The following ADGRL2 variants were observed in gnomAD, a reference collection of about 807,000 sequenced individuals.
ADGRL2 encodes calcium-independent alpha-latrotoxin receptor 2.
Under a neutral mutation model 157.4 loss-of-function variants are expected in ADGRL2, and 44 were observed. The observed-to-expected ratio is 0.28, with a 90% confidence interval of 0.22 to 0.36. The LOEUF (loss-of-function observed/expected upper bound fraction) is 0.36, where lower values mean the gene tolerates loss of function less well. Ranked by LOEUF, ADGRL2 falls within the 10% of genes least tolerant of loss-of-function variation. The pLI is 1.00. For synonymous variants in ADGRL2, 585 were observed against 624.7 expected, an observed-to-expected ratio of 0.94 and a Z score of 0.95; for missense variants, 1,510 against 1,768.9, an observed-to-expected ratio of 0.85 and a Z score of 2.63.
intron 2 of ADGRL2, among the ~76,000 whole-genome samples, chr1:81,458,054 T>C (rs2077842437): frequency 6.6e-6 from 1 of 152,226 alleles, no homozygotes; most frequent in South Asian, 2.1e-4. Flanking sequence ...ATGAAAAATA[T>C]TATCATTTTT....
At position 81,440,676 on chromosome 1, in the gene ADGRL2, A is replaced by G. The variant is rs1301666932; in HGVS notation, c.-301-4360A>G. ...ACATCAAACACAATGCACCACACCT[A>G]AATTCATTACCCCATCAAACTAGTT... On this transcript the variant is annotated intron_variant, in intron 1 of 24. Coordinates refer to the ADGRL2 transcript ENST00000370721. 2.0e-5 allele frequency among the ~76,000 whole-genome samples: 3 copies of G among 152,152 alleles called. No individual in the cohort carries two copies. In the East Asian group the frequency reaches 5.8e-4, roughly 29 times the overall value.
Position 81,441,307 on chromosome 1 carries a change from C to A in ADGRL2, c.-301-3729C>A, listed in dbSNP as rs193139205. 6.2e-4 allele frequency among the ~76,000 whole-genome samples: 94 copies of A among 152,020 alleles called. 1 individual carries two copies. Among genetic ancestry groups the A allele is most frequent in the African/African-American group, 2.2e-3 (90 of 41,448 alleles). ...ATTATTGAATAAATCCATTTTCAGC[C>A]CTTGTTTTGATCTATAGTGCATACA... On this transcript the variant is annotated intron_variant, in intron 1 of 24. Coordinates refer to the ADGRL2 transcript ENST00000370721.
At chr1:81,356,971 A>AAAAAAAG (rs80327519) in intron 1 of ADGRL2, among the ~76,000 whole-genome samples, 13 of 99,398 alleles carry the variant, frequency 1.3e-4, no homozygotes, top group African/African-American at 1.9e-4. Context: ...AAAAAAAAAA[A>AAAAAAAG]AAGAAGTTGT....
intron 1 of ADGRL2, among the ~76,000 whole-genome samples, chr1:81,422,798 A>T (rs1406905975): frequency 6.6e-6 from 1 of 152,214 alleles, no homozygotes; most frequent in African/African-American, 2.4e-5. Context: ...CAAATCAAAT[A>T]ATACATACAA....
chr1:81,401,921 A>G (rs958858118), intron 1 of ADGRL2, among the ~76,000 whole-genome samples: 3 of 152,236 alleles, frequency 2.0e-5, no homozygotes, highest in Admixed American at 6.5e-5. Context: ...TAACTTGTTC[A>G]GCCATAGAGA....
intron 1 of ADGRL2, among the ~76,000 whole-genome samples, chr1:81,438,154 T>C (rs1489158955): frequency 6.6e-6 from 1 of 152,006 alleles, no homozygotes; most frequent in Non-Finnish European, 1.5e-5. Flanking sequence ...TGGAACCATC[T>C]CCCAAAACAA....
At chr1:81,702,744 G>A (rs1381756086) in intron 1 of ADGRL2, among the ~76,000 whole-genome samples, 1 of 152,110 alleles carries the variant, frequency 6.6e-6, no homozygotes, top group Non-Finnish European at 1.5e-5. Context: ...ATGGATTACT[G>A]GTATCTTTAC....
At chr1:81,725,520 C>T (rs2084492333) in intron 1 of ADGRL2, among the ~76,000 whole-genome samples, 1 of 151,842 alleles carries the variant, frequency 6.6e-6, no homozygotes, top group African/African-American at 2.4e-5. Flanking sequence ...GCCTGGGTGA[C>T]ACTGTGAGAC....
intron 1 of ADGRL2, among the ~76,000 whole-genome samples, chr1:81,420,032 G>A (rs2077098227): frequency 6.6e-6 from 1 of 152,002 alleles, no homozygotes; most frequent in African/African-American, 2.4e-5. Context: ...TCTTTTCCTT[G>A]CAAATCCTAA....
At chr1:81,538,326 A>G (rs963684255) in intron 2 of ADGRL2, among the ~76,000 whole-genome samples, 4 of 152,106 alleles carry the variant, frequency 2.6e-5, no homozygotes, top group African/African-American at 9.7e-5. Context: ...TTAGAGACAC[A>G]GCCTCCCTCT....
intron 2 of ADGRL2, among the ~76,000 whole-genome samples, chr1:81,569,158 ATTGT>A (rs1360384900): frequency 6.6e-6 from 1 of 152,152 alleles, no homozygotes; most frequent in Non-Finnish European, 1.5e-5. Flanking sequence ...AAAGTGAATA[ATTGT>A]TTGTTTATTT....
chr1:81,762,647 G>A (rs1369247470), intron 2 of ADGRL2, among the ~76,000 whole-genome samples: 1 of 152,118 alleles, frequency 6.6e-6, no homozygotes, highest in East Asian at 1.9e-4. Context: ...ACATCAAAGT[G>A]TTAGGTTAAG....
chr1:81,452,768 T>G (rs755179783), intron 2 of ADGRL2, among the ~76,000 whole-genome samples: 4 of 152,192 alleles, frequency 2.6e-5, no homozygotes, highest in Admixed American at 6.6e-5. Flanking sequence ...AGTATATTCA[T>G]GCATCAGTCG....
intron 3 of ADGRL2, among the ~76,000 whole-genome samples, chr1:81,607,142 A>G (rs2081450851): frequency 6.6e-6 from 1 of 152,174 alleles, no homozygotes; most frequent in African/African-American, 2.4e-5. Flanking sequence ...ATATCTTTCT[A>G]TGAGTTACTA....
intron 6 of ADGRL2, among the ~76,000 whole-genome samples, chr1:81,947,384 G>C (rs1343279556): frequency 6.6e-6 from 1 of 152,132 alleles, no homozygotes; most frequent in Non-Finnish European, 1.5e-5. Context: ...TTACTTGTTG[G>C]ATACCGTATT....
intron 1 of ADGRL2, among the ~76,000 whole-genome samples, chr1:81,760,443 T>C (rs2085837799): frequency 6.6e-6 from 1 of 152,130 alleles, no homozygotes; most frequent in Admixed American, 6.5e-5. Context: ...CCTCATGGAA[T>C]GTCTCCTTAC....
intron 2 of ADGRL2, among the ~76,000 whole-genome samples, chr1:81,790,141 G>A (rs2087261852): frequency 6.6e-6 from 1 of 152,154 alleles, no homozygotes; most frequent in Non-Finnish European, 1.5e-5. Flanking sequence ...GTATAAGGGA[G>A]AAGAGTGTTC....
intron 2 of ADGRL2, among the ~76,000 whole-genome samples, chr1:81,574,428 A>C (rs1187637131): frequency 6.6e-6 from 1 of 152,156 alleles, no homozygotes; most frequent in Non-Finnish European, 1.5e-5. Context: ...GGCATCATGG[A>C]TTAAAATTCA....
At chr1:81,447,668 T>G (rs1293202483) in intron 2 of ADGRL2, among the ~76,000 whole-genome samples, 3 of 152,150 alleles carry the variant, frequency 2.0e-5, no homozygotes, top group Non-Finnish European at 2.9e-5. Flanking sequence ...AAAAGGCTGA[T>G]TTTTAGAAAA....
Sources: allele counts gnomAD v4.1 joint callset (sites outside exome capture counted in the v4.1 genomes callset), GRCh38; gene constraint gnomAD v4.1.1; transcripts MANE v1.5; gene names NCBI Gene and HGNC (gene_info 2026-07-23, HGNC 2026-07-21).